Variants in NF1 observed in about 807,000 individuals in gnomAD.
The protein encoded by NF1 is neurofibromin 1.
Under a neutral mutation model 325.7 loss-of-function variants are expected in NF1, and 122 were observed. That is an observed-to-expected ratio of 0.37 (90% confidence interval 0.32 to 0.44). The LOEUF is 0.44. Ranked by LOEUF, NF1 falls within the 20% of genes least tolerant of loss-of-function variation. NF1 has a pLI of 1.00. For synonymous variants in NF1, 1,091 were observed against 1,186.0 expected, an observed-to-expected ratio of 0.92 and a Z score of 1.65; for missense variants, 2,140 against 3,415.4, an observed-to-expected ratio of 0.63 and a Z score of 9.31.
At position 31,225,200 on chromosome 17, in the gene NF1, C is replaced by T. The variant is rs1555613590; in HGVS notation, c.1951C>T (p.Leu651=). Residue 651 remains leucine (L), a synonymous_variant, in exon 17 of 58, where the codon CTA becomes TTA. Coordinates refer to ENST00000358273, the MANE Select transcript of NF1 (RefSeq NM_001042492.3). ...AATGTCCATGGATCATGAAGAATTA[C>T]TACGTACTCCTGGAGCCTCTCTCCG... is the stretch of plus-strand genomic sequence containing the variant. ...SQMSMDHEEL[L]RTPGASLRKG... is the part of the protein sequence containing the mutation. The T allele has an allele frequency of 6.2e-7, 1 of 1,613,822 alleles. No individual in the cohort carries two copies. The highest frequency in any genetic ancestry group is 1.3e-5 in the African/African-American group (1 of 75,024).
Position 31,326,308 on chromosome 17 carries a change from C to T in NF1, c.5268+56C>T, listed in dbSNP as rs1479412792. 1.9e-6 allele frequency: 3 copies of T among 1,546,016 alleles called. No individual in the cohort carries two copies. The East Asian group carries it at 6.7e-5, about 35-fold the overall frequency. On this transcript the variant is annotated intron_variant, in intron 37 of 57. Coordinates refer to ENST00000358273, the MANE Select transcript of NF1 (RefSeq NM_001042492.3). ...TCATTGCTTTTCTTGACTAACTAGA[C>T]TATATCCTGGCCTCCCTAGGTGTCC...
intron 36 of NF1, chr17:31,320,350 A>G: frequency 6.5e-7 from 1 of 1,538,838 alleles, no homozygotes; most frequent in East Asian, 2.3e-5. Context: ...ATTTAAAAAA[A>G]AAAAAAAAAG....
intron 5 of NF1, 114 bp from the exon 6 acceptor site, chr17:31,181,308 C>A: frequency 2.0e-6 from 2 of 983,542 alleles, no homozygotes; most frequent in Non-Finnish European, 3.1e-6. Flanking sequence ...CCTTTCATTG[C>A]TTACAGATAA....
At chr17:31,194,815 G>A (rs2905870) in intron 8 of NF1, among the ~76,000 whole-genome samples, 81,008 of 151,998 alleles carry the variant, frequency 0.53, 25,443 homozygotes, top group Middle Eastern at 0.76. Context: ...TCATTTGTGT[G>A]TGTGAGGTAA....
chr17:31,263,079 G>GA (rs2067716572), intron 35 of NF1, among the ~76,000 whole-genome samples: 1 of 85,900 alleles, frequency 1.2e-5, no homozygotes, highest in Admixed American at 1.1e-4. Context: ...AGATAGATAG[G>GA]TAGGTAGGTA....
At chr17:31,229,558 T>C in intron 21 of NF1, 93 bp downstream of exon 21, 3 of 1,454,252 alleles carry the variant, frequency 2.1e-6, no homozygotes, top group Non-Finnish European at 9.5e-7. Context: ...AATTAGGTAC[T>C]CACAGTTTTT....
At chr17:31,096,731 TAGAC>T (rs1263273117) in intron 1 of NF1, among the ~76,000 whole-genome samples, 17 of 152,276 alleles carry the variant, frequency 1.1e-4, no homozygotes, top group Admixed American at 8.5e-4. Flanking sequence ...TATCTTGGAA[TAGAC>T]AGAGGAAGTT....
At chr17:31,149,313 C>CAT (rs1916779375) in intron 1 of NF1, among the ~76,000 whole-genome samples, 2 of 151,606 alleles carry the variant, frequency 1.3e-5, no homozygotes, top group Non-Finnish European at 2.9e-5. Flanking sequence ...CACACACACA[C>CAT]ATTTTTTGAG....
intron 1 of NF1, among the ~76,000 whole-genome samples, chr17:31,131,675 A>T (rs1454028223): frequency 1.3e-5 from 2 of 152,228 alleles, no homozygotes; most frequent in Admixed American, 6.5e-5. Flanking sequence ...TGAAATGTAT[A>T]AATTTAACAA....
intron 36 of NF1, among the ~76,000 whole-genome samples, chr17:31,275,683 G>A (rs2067993658): frequency 2.6e-5 from 4 of 152,148 alleles, no homozygotes; most frequent in Admixed American, 2.6e-4. Flanking sequence ...TCAAAATTGT[G>A]TTGTTTCTTC....
chr17:31,317,546 G>A (rs1473284751), intron 36 of NF1: 5 of 151,952 alleles, frequency 3.3e-5, no homozygotes, highest in African/African-American at 4.8e-5. Context: ...CATACTTTGC[G>A]TTTACACTTA....
rs17878418 is a variant in NF1 at position 31,326,009 on chromosome 17, C to T, written c.5025C>T (p.Ser1675=). 8.1e-6 allele frequency: 13 copies of T among 1,614,046 alleles called. No individual in the cohort carries two copies. Among genetic ancestry groups the T allele is most frequent in the Middle Eastern group, 1.6e-4 (1 of 6,084 alleles). The change falls in exon 37 of 58, where the codon TCC becomes TCT. Residue 1675 remains serine (S), a synonymous_variant. Transcript: ENST00000358273. Reference sequence around the variant, plus strand: ...CTGGCTTTGCTTACGACAACGTCTCCGCAGTCTATATCTATAACTGTAACT... The same window carrying T: ...CTGGCTTTGCTTACGACAACGTCTCTGCAGTCTATATCTATAACTGTAACT... The part of the protein sequence containing the change: ...VFPGFAYDNV[S]AVYIYNCNSW...
chr17:31,296,391 C>G, intron 36 of NF1: 1 of 1,594,988 alleles, frequency 6.3e-7, no homozygotes, highest in Non-Finnish European at 8.6e-7. Flanking sequence ...GTTTAGGCAT[C>G]TGCATGGGTC....
At chr17:31,183,798 G>A (rs923148663) in intron 8 of NF1, among the ~76,000 whole-genome samples, 4 of 151,934 alleles carry the variant, frequency 2.6e-5, no homozygotes, top group African/African-American at 9.7e-5. Context: ...AAAGAGAGAC[G>A]GGCCTAGCCT....
chr17:31,355,570 C>T lies in NF1; in HGVS notation c.7616-890C>T, dbSNP rs931269525. On this transcript the variant is annotated intron_variant, in intron 51 of 57. Transcript: ENST00000358273. ...GCTTTAATAAAATAATACTGTTGGC[C>T]GGGCATGGTGGCTCATGCCTGTAAT... Among the ~76,000 whole-genome samples the T allele has an allele frequency of 5.3e-5, 8 of 152,144 alleles. No individual in the cohort carries two copies. In the East Asian group the frequency reaches 9.6e-4, roughly 18 times the overall value.
At chr17:31,098,933 GAAAA>G (rs556393516) in intron 1 of NF1, among the ~76,000 whole-genome samples, 6 of 100,356 alleles carry the variant, frequency 6.0e-5, no homozygotes, top group African/African-American at 2.4e-4. Flanking sequence ...CTCCATCTCA[GAAAA>G]AAAAAAAAAA....
intron 12 of NF1, among the ~76,000 whole-genome samples, chr17:31,208,751 C>T (rs1290814332): frequency 1.3e-5 from 2 of 151,936 alleles, no homozygotes; most frequent in African/African-American, 2.4e-5. Context: ...ATTAGCCAGG[C>T]GTGGTGGTGC....
At chr17:31,201,566 C>A in intron 11 of NF1, 81 bp downstream of exon 11, 1 of 1,027,886 alleles carries the variant, frequency 9.7e-7, no homozygotes, top group Non-Finnish European at 1.5e-6. Context: ...AAGAAATGCA[C>A]TCTTGGTTTT....
intron 8 of NF1, among the ~76,000 whole-genome samples, chr17:31,196,547 G>C (rs1029968620): frequency 2.6e-5 from 4 of 152,072 alleles, no homozygotes; most frequent in African/African-American, 9.7e-5. Flanking sequence ...ATGAAATCCA[G>C]TTTATCTGTT....
Sources: allele counts gnomAD v4.1 joint callset (sites outside exome capture counted in the v4.1 genomes callset), GRCh38; gene constraint gnomAD v4.1.1; transcripts MANE v1.5; gene names NCBI Gene and HGNC (gene_info 2026-07-23, HGNC 2026-07-21).